Variants in OR52D1 observed in about 807,000 individuals in gnomAD.
OR52D1 encodes the protein olfactory receptor family 52 subfamily D member 1.
For synonymous variants in OR52D1, 175 were observed against 149.0 expected, an observed-to-expected ratio of 1.17 and a Z score of -1.27; for missense variants, 423 against 390.0, an observed-to-expected ratio of 1.08 and a Z score of -0.71.
chr11:5,489,362 T>C lies in OR52D1; in HGVS notation c.656T>C (p.Ile219Thr). The C allele has an allele frequency of 6.2e-7, 1 of 1,613,974 alleles. No individual in the cohort carries two copies. Among genetic ancestry groups the C allele is most frequent in the Non-Finnish European group, 8.5e-7 (1 of 1,179,882 alleles). ...GGACTGGATTCCATTCTCATTGCCATTTCCTATGGCTTTATCCTCCATGCA... is the reference window on the plus strand; with the variant it reads ...GGACTGGATTCCATTCTCATTGCCACTTCCTATGGCTTTATCCTCCATGCA... ...AMGLDSILIA[I>T]SYGFILHAVF... is the part of the protein sequence containing the mutation. The change falls in exon 1 of 1, where the codon ATT becomes ACT. Residue 219 changes from isoleucine to threonine, a missense_variant. Ile to Thr is a moderately conservative substitution (Grantham distance 89). Transcript: ENST00000322641.
Position 5,489,401 on chromosome 11 carries a change from C to T in OR52D1, c.695C>T (p.Pro232Leu), listed in dbSNP as rs1041037823. 2 of 1,613,804 alleles carry T rather than the reference C, an allele frequency of 1.2e-6. No individual in the cohort carries two copies. Among genetic ancestry groups the T allele is most frequent in the Non-Finnish European group, 8.5e-7 (1 of 1,179,854 alleles). ...GFILHAVFHL[P>L]SHDAQHKALS... ...ATCCTCCATGCAGTCTTTCATCTTCCATCTCATGATGCCCAGCACAAAGCT... is the reference window on the plus strand; with the variant it reads ...ATCCTCCATGCAGTCTTTCATCTTCTATCTCATGATGCCCAGCACAAAGCT... Residue 232 changes from proline (P) to leucine (L), a missense_variant, in exon 1 of 1, where the codon CCA becomes CTA. Transcript: ENST00000322641.
In OR52D1 at chr11:5,489,670, AGC is replaced by A. The variant is rs1851553816; in HGVS notation, c.*8_*9del. On this transcript the variant is annotated 3_prime_UTR_variant, in exon 1 of 1. Coordinates refer to ENST00000322641, the MANE Select transcript of OR52D1 (RefSeq NM_001005163.2). ...GGGGAAGACTTCAATATGAATGCTG[AGC>A]AGAAGTTGGAGATTTAAAAAAAAGT... is the stretch of plus-strand genomic sequence containing the variant. 2 of 1,587,214 alleles carry A rather than the reference AGC, an allele frequency of 1.3e-6. No individual in the cohort carries two copies. The highest frequency in any genetic ancestry group is 2.7e-5 in the African/African-American group (2 of 74,000).
chr11:5,489,180 T>C lies in OR52D1; in HGVS notation c.474T>C (p.Ile158=), dbSNP rs758777036. 3 of 1,612,902 alleles carry C rather than the reference T, an allele frequency of 1.9e-6. No homozygotes were observed. The highest frequency in any genetic ancestry group is 2.5e-6 in the Non-Finnish European group (3 of 1,179,932). Residue 158 remains isoleucine (I), a synonymous_variant, in exon 1 of 1, where the codon ATT becomes ATC. Coordinates refer to ENST00000322641, the MANE Select transcript of OR52D1 (RefSeq NM_001005163.2). ...TTGGGCTATTCCGTAGTGTGGCTAT[T>C]GTCTCCCCCTTCATCTTCTTGCTGA... The part of the protein sequence containing the change: ...GFVGLFRSVA[I]VSPFIFLLRR...
In OR52D1 at chr11:5,489,736, G is replaced by C; in HGVS notation, c.*73G>C. On this transcript the variant is annotated 3_prime_UTR_variant, in exon 1 of 1. Coordinates refer to ENST00000322641, the MANE Select transcript of OR52D1 (RefSeq NM_001005163.2). ...CTAGATACATTTACATGGACACACA[G>C]TGATGATGTGAAAGGAATGGTATGA... The C allele has an allele frequency of 1.0e-6, 1 of 999,518 alleles. No homozygotes were observed. 61.9% of individuals were successfully genotyped at this position (999,518 alleles called of 1,614,324 possible). A position where few individuals can be genotyped will look rare whatever the true frequency, so the allele number is the denominator to read the frequency against.
Position 5,488,686 on chromosome 11 carries a change from G to A in OR52D1, c.-21G>A. The A allele has an allele frequency of 6.6e-7, 1 of 1,511,654 alleles. No individual in the cohort carries two copies. The highest frequency in any genetic ancestry group is 9.2e-7 in the Non-Finnish European group (1 of 1,090,468). 93.6% of individuals were successfully genotyped at this position (1,511,654 alleles called of 1,614,324 possible). On this transcript the variant is annotated 5_prime_UTR_variant, in exon 1 of 1. Transcript: ENST00000322641. ...AGCATAACAATACTATTCAGAAAGA[G>A]CCCTTCATTTGCCAGGAAGAATGTC...
chr11:5,488,955 G>A lies in OR52D1; in HGVS notation c.249G>A (p.Lys83=). ...CTCTCAGTTCTACCACTGTGCCCAAGATGCTGGCCATTTTGTGGCTCCATG... is the reference window on the plus strand; with the variant it reads ...CTCTCAGTTCTACCACTGTGCCCAAAATGCTGGCCATTTTGTGGCTCCATG... ...DLALSSTTVP[K]MLAILWLHAG... The change falls in exon 1 of 1, where the codon AAG becomes AAA. Residue 83 remains lysine, a synonymous_variant. Transcript: ENST00000322641. 1 of 1,614,082 alleles carries A rather than the reference G, an allele frequency of 6.2e-7. No homozygotes were observed. The highest frequency in any genetic ancestry group is 8.5e-7 in the Non-Finnish European group (1 of 1,179,986).
Position 5,489,714 on chromosome 11 carries a change from G to C in OR52D1, c.*51G>C. The C allele has an allele frequency of 8.1e-7, 1 of 1,230,880 alleles. No homozygotes were observed. Among genetic ancestry groups the C allele is most frequent in the Non-Finnish European group, 1.2e-6 (1 of 848,992 alleles). 76.2% of individuals were successfully genotyped at this position (1,230,880 alleles called of 1,614,324 possible). On this transcript the variant is annotated 3_prime_UTR_variant, in exon 1 of 1. Transcript: ENST00000322641. ...AAAAAAAGTGTAGGATGGCTGTCTA[G>C]ATACATTTACATGGACACACAGTGA...
Position 5,488,925 on chromosome 11 carries a change from C to A in OR52D1, c.219C>A (p.Asp73Glu). Residue 73 changes from aspartate (D) to glutamate (E), a missense_variant, in exon 1 of 1, where the codon GAC (aspartate) becomes GAA (glutamate). Asp to Glu is a conservative substitution (Grantham distance 45). Coordinates refer to ENST00000322641, the MANE Select transcript of OR52D1 (RefSeq NM_001005163.2). ...TCCTCTGCCTTCTCTCACTCACAGACCTGGCTCTCAGTTCTACCACTGTGC... is the reference window on the plus strand; with the variant it reads ...TCCTCTGCCTTCTCTCACTCACAGAACTGGCTCTCAGTTCTACCACTGTGC... Reference protein sequence around the residue: ...YLFLCLLSLTDLALSSTTVPK... With the variant: ...YLFLCLLSLTELALSSTTVPK... 1.2e-6 allele frequency: 2 copies of A among 1,614,068 alleles called. No individual in the cohort carries two copies. Among genetic ancestry groups the A allele is most frequent in the Non-Finnish European group, 1.7e-6 (2 of 1,179,992 alleles).
Position 5,488,726 on chromosome 11 carries a change from G to A in OR52D1, c.20G>A (p.Ser7Asn), listed in dbSNP as rs753787030. The change falls in exon 1 of 1, where the codon AGT (serine) becomes AAT (asparagine). Residue 7 changes from serine to asparagine, a missense_variant. By Grantham distance (46) the Ser-to-Asn change is conservative. Transcript: ENST00000322641. Reference sequence around the variant, plus strand: ...GGAAGAATGTCAGATTCCAACCTCAGTGATAACCATCTTCCAGACACCTTC... The same window carrying A: ...GGAAGAATGTCAGATTCCAACCTCAATGATAACCATCTTCCAGACACCTTC... Reference protein sequence around the residue: MSDSNLSDNHLPDTFFL... With the variant: MSDSNLNDNHLPDTFFL... 1.2e-5 allele frequency: 20 copies of A among 1,613,578 alleles called. No individual in the cohort carries two copies. The highest frequency in any genetic ancestry group is 1.7e-5 in the Non-Finnish European group (20 of 1,179,670).
chr11:5,489,557 A>G lies in OR52D1; in HGVS notation c.851A>G (p.Tyr284Cys). ...GTGCACATCTTTCTGGCTAATCTCT[A>G]TGTGCTGGTGCCTCCTGTACTCAAT... is the stretch of plus-strand genomic sequence containing the variant. ...KHVHIFLANL[Y>C]VLVPPVLNPI... Residue 284 changes from tyrosine (Y) to cysteine (C), a missense_variant, in exon 1 of 1, where the codon TAT becomes TGT. Coordinates refer to ENST00000322641, the MANE Select transcript of OR52D1 (RefSeq NM_001005163.2). 1.2e-6 allele frequency: 2 copies of G among 1,613,938 alleles called. No individual in the cohort carries two copies. The highest frequency in any genetic ancestry group is 1.7e-6 in the Non-Finnish European group (2 of 1,179,954).
Position 5,488,831 on chromosome 11 carries a change from T to C in OR52D1, c.125T>C (p.Leu42Pro), listed in dbSNP as rs763858921. ...IPFCAMYLVA[L>P]VGNAALILVI... ...TTCTGTGCCATGTATCTTGTAGCAC[T>C]GGTTGGAAATGCTGCCCTCATCCTG... Residue 42 changes from leucine to proline, a missense_variant, in exon 1 of 1, where the codon CTG becomes CCG. By Grantham distance (98) the Leu-to-Pro change is moderately conservative. Transcript: ENST00000322641. 3 of 1,614,072 alleles carry C rather than the reference T, an allele frequency of 1.9e-6. No homozygotes were observed. The South Asian group carries it at 3.3e-5, about 18-fold the overall frequency.
Position 5,489,550 on chromosome 11 carries a change from A to C in OR52D1, c.844A>C (p.Asn282His). ...VPKHVHIFLANLYVLVPPVLN... is the reference protein window; with the variant it reads ...VPKHVHIFLAHLYVLVPPVLN... ...CAAGCATGTGCACATCTTTCTGGCTAATCTCTATGTGCTGGTGCCTCCTGT... is the reference window on the plus strand; with the variant it reads ...CAAGCATGTGCACATCTTTCTGGCTCATCTCTATGTGCTGGTGCCTCCTGT... Residue 282 changes from asparagine to histidine, a missense_variant, in exon 1 of 1, where the codon AAT becomes CAT. Physicochemically the swap from Asn to His is moderately conservative, Grantham distance 68 (BLOSUM62 1). Coordinates refer to ENST00000322641, the MANE Select transcript of OR52D1 (RefSeq NM_001005163.2). The C allele has an allele frequency of 6.2e-7, 1 of 1,613,992 alleles. No homozygotes were observed. Among genetic ancestry groups the C allele is most frequent in the South Asian group, 1.1e-5 (1 of 91,084 alleles).
rs772160793 is a variant in OR52D1 at position 5,489,725 on chromosome 11, A to G, written c.*62A>G. 2.0e-4 allele frequency: 213 copies of G among 1,089,488 alleles called. No individual in the cohort carries two copies. Among genetic ancestry groups the G allele is most frequent in the Non-Finnish European group, 2.7e-4 (197 of 724,856 alleles). The allele number at this position is 1,089,488 out of a possible 1,614,324, so 67.5% of individuals were successfully genotyped here. On this transcript the variant is annotated 3_prime_UTR_variant, in exon 1 of 1. Coordinates refer to ENST00000322641, the MANE Select transcript of OR52D1 (RefSeq NM_001005163.2). ...AGGATGGCTGTCTAGATACATTTAC[A>G]TGGACACACAGTGATGATGTGAAAG...
Position 5,488,952 on chromosome 11 carries a change from C to G in OR52D1, c.246C>G (p.Pro82=), listed in dbSNP as rs200743028. 10 of 1,614,084 alleles carry G rather than the reference C, an allele frequency of 6.2e-6. No homozygotes were observed. In the East Asian group the frequency reaches 1.8e-4, roughly 29 times the overall value. The change falls in exon 1 of 1, where the codon CCC becomes CCG. Residue 82 remains proline (P), a synonymous_variant. Transcript: ENST00000322641. ...TDLALSSTTV[P]KMLAILWLHA... ...TGGCTCTCAGTTCTACCACTGTGCC[C>G]AAGATGCTGGCCATTTTGTGGCTCC...
chr11:5,488,698 C>T lies in OR52D1; in HGVS notation c.-9C>T, dbSNP rs1163047655. ...CTATTCAGAAAGAGCCCTTCATTTG[C>T]CAGGAAGAATGTCAGATTCCAACCT... On this transcript the variant is annotated 5_prime_UTR_variant, in exon 1 of 1. Coordinates refer to ENST00000322641, the MANE Select transcript of OR52D1 (RefSeq NM_001005163.2). 1.3e-6 allele frequency: 2 copies of T among 1,589,522 alleles called. No individual in the cohort carries two copies. Among genetic ancestry groups the T allele is most frequent in the Non-Finnish European group, 1.7e-6 (2 of 1,159,556 alleles).
In OR52D1 at chr11:5,489,093, C is replaced by T. The variant is rs1851538296; in HGVS notation, c.387C>T (p.Ile129=). ...LAMAFDRYVA[I]CNPLRYTTIL... is the part of the protein sequence containing the mutation. The stretch of plus-strand genomic sequence containing the variant: ...TGGCCTTTGATAGGTATGTGGCTAT[C>T]TGTAACCCATTAAGGTACACAACCA... Residue 129 remains isoleucine, a synonymous_variant, in exon 1 of 1, where the codon ATC becomes ATT. Transcript: ENST00000322641. 6.2e-6 allele frequency: 10 copies of T among 1,613,990 alleles called. No homozygotes were observed. The highest frequency in any genetic ancestry group is 7.6e-6 in the Non-Finnish European group (9 of 1,179,918).
In OR52D1 at chr11:5,489,447, C is replaced by T. The variant is rs1851546277; in HGVS notation, c.741C>T (p.His247=). The T allele has an allele frequency of 1.2e-6, 2 of 1,614,090 alleles. No homozygotes were observed. The highest frequency in any genetic ancestry group is 1.7e-6 in the Non-Finnish European group (2 of 1,179,974). The part of the protein sequence containing the change: ...QHKALSTCGS[H]IGIILVFYIP... ...AAGCTCTGAGTACCTGTGGCTCCCACATTGGCATCATCCTGGTTTTCTACA... is the reference window on the plus strand; with the variant it reads ...AAGCTCTGAGTACCTGTGGCTCCCATATTGGCATCATCCTGGTTTTCTACA... Residue 247 remains histidine (H), a synonymous_variant, in exon 1 of 1, where the codon CAC becomes CAT. Transcript: ENST00000322641.
Position 5,489,162 on chromosome 11 carries a change from A to T in OR52D1, c.456A>T (p.Leu152=). 1.2e-6 allele frequency: 2 copies of T among 1,613,862 alleles called. No homozygotes were observed. The highest frequency in any genetic ancestry group is 1.7e-6 in the Non-Finnish European group (2 of 1,179,990). Residue 152 remains leucine (L), a synonymous_variant, in exon 1 of 1, where the codon CTA becomes CTT. Coordinates refer to ENST00000322641, the MANE Select transcript of OR52D1 (RefSeq NM_001005163.2). ...TAGGCAGAATTGGCTTTGTTGGGCT[A>T]TTCCGTAGTGTGGCTATTGTCTCCC... The part of the protein sequence containing the change: ...AVIGRIGFVG[L]FRSVAIVSPF...
chr11:5,489,728 G>T lies in OR52D1; in HGVS notation c.*65G>T. 9.5e-7 allele frequency: 1 copy of T among 1,053,186 alleles called. No individual in the cohort carries two copies. Among genetic ancestry groups the T allele is most frequent in the South Asian group, 1.5e-5 (1 of 68,604 alleles). 65.2% of individuals were successfully genotyped at this position (1,053,186 alleles called of 1,614,324 possible). A position where few individuals can be genotyped will look rare whatever the true frequency, so the allele number is the denominator to read the frequency against. On this transcript the variant is annotated 3_prime_UTR_variant, in exon 1 of 1. Coordinates refer to ENST00000322641, the MANE Select transcript of OR52D1 (RefSeq NM_001005163.2). The stretch of plus-strand genomic sequence containing the variant: ...ATGGCTGTCTAGATACATTTACATG[G>T]ACACACAGTGATGATGTGAAAGGAA...
Sources: allele counts gnomAD v4.1 joint callset, GRCh38; gene constraint gnomAD v4.1.1; transcripts MANE v1.5; gene names NCBI Gene and HGNC (gene_info 2026-07-23, HGNC 2026-07-21).